The following LRRC69 variants were observed in gnomAD, a reference collection of about 807,000 sequenced individuals.
LRRC69 encodes leucine rich repeat containing 69.
A neutral mutation model predicts 37.8 loss-of-function variants in LRRC69; 42 were observed. That is an observed-to-expected ratio of 1.11 (90% confidence interval 0.87 to 1.44). LRRC69 has a LOEUF of 1.44. Among genes scored for constraint, LRRC69 ranks in the 40% most tolerant of loss-of-function variants. The pLI, the probability that LRRC69 is intolerant of heterozygous loss-of-function variation, is 0.00. For missense variants in LRRC69, 357 were observed against 401.9 expected (o/e 0.89, Z 0.96); for synonymous variants, 141 against 143.1 (o/e 0.99, Z 0.11).
chr8:91,171,073 C>T (rs143924177), intron 5 of LRRC69, among the ~76,000 whole-genome samples: 1,642 of 151,640 alleles, frequency 0.011, 27 homozygotes, highest in African/African-American at 0.037. Flanking sequence ...CAAACAACCC[C>T]ATCAAAAAGT....
intron 5 of LRRC69, among the ~76,000 whole-genome samples, chr8:91,176,266 C>G (rs1379876999): frequency 1.3e-5 from 2 of 151,506 alleles, no homozygotes; most frequent in Admixed American, 1.3e-4. Context: ...TCCTGAGTAG[C>G]TGGGACTACA....
At chr8:91,200,440 C>G (rs113432796) in intron 6 of LRRC69, among the ~76,000 whole-genome samples, 173 bp from the exon 7 acceptor site, 55 of 152,272 alleles carry the variant, frequency 3.6e-4, no homozygotes, top group Non-Finnish European at 7.2e-4. Flanking sequence ...GAAAACCAAA[C>G]TTATTTGCAA....
At chr8:91,218,189 T>C (rs879772005) in intron 7 of LRRC69, among the ~76,000 whole-genome samples, 2 of 152,180 alleles carry the variant, frequency 1.3e-5, no homozygotes, top group Non-Finnish European at 2.9e-5. Context: ...CAGTTACCAG[T>C]TGTGGAAATC....
chr8:91,196,664 C>T lies in LRRC69; in HGVS notation c.754-3949C>T, dbSNP rs1355705460. Among the ~76,000 whole-genome samples the T allele has an allele frequency of 5.9e-5, 9 of 152,036 alleles. No homozygotes were observed. The South Asian group carries it at 8.3e-4, about 14-fold the overall frequency. On this transcript the variant is annotated intron_variant, in intron 6 of 7. Coordinates refer to ENST00000448384, the Ensembl canonical transcript of LRRC69. ...GCTCCTGAGGCTTCTGCATTCTTCC[C>T]GTAGTTCTCGAGCCTTGGTTTTCAG...
At chr8:91,102,738 T>C (rs1300022657) in exon 1 of LRRC69, 1 of 1,551,872 alleles carries the variant, frequency 6.4e-7, no homozygotes, top group Non-Finnish European at 8.7e-7. Flanking sequence ...GGGAAGAAGA[T>C]GACAAAGATG....
At chr8:91,214,148 G>A (rs1809993107) in intron 7 of LRRC69, among the ~76,000 whole-genome samples, 1 of 152,090 alleles carries the variant, frequency 6.6e-6, no homozygotes, top group African/African-American at 2.4e-5. Context: ...TGTAAGGTGT[G>A]GTGGTGGAAA....
intron 6 of LRRC69, among the ~76,000 whole-genome samples, chr8:91,195,202 T>C (rs1156462156): frequency 1.3e-5 from 2 of 151,970 alleles, no homozygotes; most frequent in Non-Finnish European, 2.9e-5. Context: ...CACTGTGGTC[T>C]GAGAGATAGT....
chr8:91,136,995 T>A (rs986699929), intron 5 of LRRC69, among the ~76,000 whole-genome samples: 1 of 152,086 alleles, frequency 6.6e-6, no homozygotes, highest in Non-Finnish European at 1.5e-5. Flanking sequence ...TTTCTCATTT[T>A]GGCTATTACT....
intron 7 of LRRC69, among the ~76,000 whole-genome samples, chr8:91,210,595 A>ACACGCG: frequency 6.6e-6 from 1 of 150,990 alleles, no homozygotes; most frequent in African/African-American, 2.4e-5. Context: ...ACACACACAC[A>ACACGCG]GGTTAACATC....
intron 1 of LRRC69, 84 bp from the exon 2 acceptor site, chr8:91,124,409 G>A (rs1813682814): frequency 3.7e-6 from 4 of 1,069,400 alleles, no homozygotes; most frequent in East Asian, 6.1e-5. Flanking sequence ...TTACATAGAT[G>A]TGAGCAAGGG....
At chr8:91,180,166 G>A (rs1182783698) in intron 5 of LRRC69, among the ~76,000 whole-genome samples, 1 of 152,184 alleles carries the variant, frequency 6.6e-6, no homozygotes, top group Non-Finnish European at 1.5e-5. Flanking sequence ...CACAGGTTCT[G>A]AGGATTAGGA....
At chr8:91,190,005 A>G (rs1226157493) in intron 6 of LRRC69, among the ~76,000 whole-genome samples, 1 of 152,208 alleles carries the variant, frequency 6.6e-6, no homozygotes, top group Non-Finnish European at 1.5e-5. Flanking sequence ...ATGATCCAGA[A>G]ACTGTGTTCA....
rs758120321 is a variant in LRRC69 at position 91,127,059 on chromosome 8, C to T, written c.311-29C>T. 62 of 1,495,532 alleles carry T rather than the reference C, an allele frequency of 4.1e-5. No homozygotes were observed. The South Asian group carries it at 7.4e-4, about 18-fold the overall frequency. 92.6% of individuals were successfully genotyped at this position (1,495,532 alleles called of 1,614,324 possible). A position where few individuals can be genotyped will look rare whatever the true frequency, so the allele number is the denominator to read the frequency against. ...TGACTAAAAATTATCTAACAGATGGCTAAAGTGACTAAAATTATTTTCTAA... is the reference window on the plus strand; with the variant it reads ...TGACTAAAAATTATCTAACAGATGGTTAAAGTGACTAAAATTATTTTCTAA... On this transcript the variant is annotated intron_variant, in intron 2 of 7. Transcript: ENST00000448384.
chr8:91,116,858 T>G (rs1435954796), intron 1 of LRRC69, among the ~76,000 whole-genome samples: 1 of 152,082 alleles, frequency 6.6e-6, no homozygotes, highest in Non-Finnish European at 1.5e-5. Context: ...GTTTTCTCCT[T>G]AAATTTCTTG....
intron 2 of LRRC69, among the ~76,000 whole-genome samples, chr8:91,126,152 G>A (rs1460425613): frequency 6.6e-6 from 1 of 152,008 alleles, no homozygotes; most frequent in Admixed American, 6.6e-5. Context: ...CCCAGCATGG[G>A]TAGAATAACC....
chr8:91,210,012 A>C (rs543867646), intron 7 of LRRC69, among the ~76,000 whole-genome samples: 1 of 152,214 alleles, frequency 6.6e-6, no homozygotes, highest in Non-Finnish European at 1.5e-5. Flanking sequence ...AGACTATTAA[A>C]ATGTAACGTT....
intron 6 of LRRC69, among the ~76,000 whole-genome samples, chr8:91,197,619 G>A (rs1248038597): frequency 2.0e-5 from 3 of 152,094 alleles, no homozygotes; most frequent in Admixed American, 1.3e-4. Context: ...GATGCCGTCC[G>A]ACACCCCTTT....
chr8:91,204,040 T>C (rs1809756547), intron 7 of LRRC69, among the ~76,000 whole-genome samples: 2 of 147,126 alleles, frequency 1.4e-5, no homozygotes, highest in South Asian at 2.1e-4. Flanking sequence ...GAAAATGGTG[T>C]GAACCCAGGA....
chr8:91,213,767 A>G (rs956307663), intron 7 of LRRC69, among the ~76,000 whole-genome samples: 3 of 152,156 alleles, frequency 2.0e-5, no homozygotes, highest in Non-Finnish European at 2.9e-5. Flanking sequence ...ATTCAGATAC[A>G]TGGAGAAGAA....
Sources: gnomAD v4.1 joint callset for allele counts (sites outside exome capture counted in the v4.1 genomes callset) on GRCh38, gnomAD v4.1.1 for gene constraint, MANE v1.5 for transcripts, NCBI Gene and HGNC (gene_info 2026-07-23, HGNC 2026-07-21) for gene names.